The following TBC1D8 variants were observed in gnomAD, a reference collection of about 807,000 sequenced individuals.
TBC1D8 encodes the protein TBC1 domain family member 8.
TBC1D8 carries 65 observed loss-of-function variants against 118.8 expected under a neutral mutation model. The observed-to-expected ratio is 0.55, with a 90% confidence interval of 0.45 to 0.67. The LOEUF is 0.67. Among genes scored for constraint, TBC1D8 ranks in the 30% least tolerant of loss-of-function variants. The pLI is 0.00. For missense variants in TBC1D8, 1,376 were observed against 1,471.2 expected, an observed-to-expected ratio of 0.94 and a Z score of 1.06; for synonymous variants, 566 against 595.8, an observed-to-expected ratio of 0.95 and a Z score of 0.73.
At chr2:101,008,879 T>C (rs1410228168) in intron 19 of TBC1D8, among the ~76,000 whole-genome samples, 1 of 152,074 alleles carries the variant, frequency 6.6e-6, no homozygotes, top group Non-Finnish European at 1.5e-5. Flanking sequence ...CTAGAGTTTA[T>C]AATAGGAAAA....
intron 8 of TBC1D8, 52 bp downstream of exon 8, chr2:101,037,480 C>G (rs1681085337): frequency 1.9e-6 from 3 of 1,586,320 alleles, no homozygotes; most frequent in Non-Finnish European, 2.6e-6. Context: ...GCAACCCCCC[C>G]AAGCCCACGG....
chr2:101,151,105 C>T (rs1679545251), intron 1 of TBC1D8, 22 bp downstream of exon 1: 2 of 1,027,116 alleles, frequency 1.9e-6, no homozygotes, highest in African/African-American at 1.7e-5. Context: ...GGCCGCCGCG[C>T]CCGCCCCGGC....
rs1042768012 is a variant in TBC1D8, at chr2:101,091,346, G to A, written c.128-982C>T. On this transcript the variant is annotated intron_variant, in intron 1 of 19. Transcript: ENST00000409318. Reference sequence around the variant, plus strand: ...TTTTACAGACCATAAAGCACGAAATGTGAGTGCAGGATTAGCATTTTCCTG... The same window carrying A: ...TTTTACAGACCATAAAGCACGAAATATGAGTGCAGGATTAGCATTTTCCTG... Among the ~76,000 whole-genome samples, 4 of 152,152 alleles carry A rather than the reference G, an allele frequency of 2.6e-5. No homozygotes were observed. The East Asian group carries it at 5.8e-4, about 22-fold the overall frequency.
chr2:101,035,935 A>AAC, intron 9 of TBC1D8, 83 bp downstream of exon 9: 2 of 1,494,902 alleles, frequency 1.3e-6, no homozygotes, highest in Non-Finnish European at 1.8e-6. Context: ...TCTGCACATA[A>AAC]ACACACGCGC....
At chr2:101,122,367 G>A (rs1213077510) in intron 1 of TBC1D8, among the ~76,000 whole-genome samples, 4 of 115,834 alleles carry the variant, frequency 3.5e-5, no homozygotes, top group Admixed American at 1.2e-4. Flanking sequence ...CACCGCGCCC[G>A]GCCAAGACTC....
intron 2 of TBC1D8, among the ~76,000 whole-genome samples, chr2:101,085,547 T>A (rs1197050198): frequency 6.6e-6 from 1 of 152,088 alleles, no homozygotes; most frequent in Non-Finnish European, 1.5e-5. Context: ...TTAGCGCCAA[T>A]ATAACGTCCG....
At chr2:101,106,562 T>C (rs368973267) in intron 1 of TBC1D8, among the ~76,000 whole-genome samples, 3 of 152,220 alleles carry the variant, frequency 2.0e-5, no homozygotes, top group African/African-American at 7.2e-5. Flanking sequence ...CAGGACTCCA[T>C]GGGCCACAGG....
chr2:101,103,525 G>A (rs1027085833), intron 1 of TBC1D8, among the ~76,000 whole-genome samples: 1 of 151,712 alleles, frequency 6.6e-6, no homozygotes, highest in African/African-American at 2.4e-5. Context: ...CCGAGTAGCT[G>A]GGATTACAGG....
intron 15 of TBC1D8, chr2:101,023,879 C>T (rs1680187834): frequency 5.8e-6 from 1 of 173,380 alleles, no homozygotes; most frequent in African/African-American, 2.4e-5. Context: ...AGTCTGCAAG[C>T]TCATATCCTC....
At chr2:101,077,002 G>A (rs567222762) in intron 2 of TBC1D8, among the ~76,000 whole-genome samples, 12 of 152,136 alleles carry the variant, frequency 7.9e-5, no homozygotes, top group African/African-American at 2.6e-4. Flanking sequence ...AGAGAGAGGC[G>A]GTAGTGCTAC....
At chr2:101,150,223 C>T (rs529283908) in intron 1 of TBC1D8, among the ~76,000 whole-genome samples, 5 of 152,276 alleles carry the variant, frequency 3.3e-5, no homozygotes, top group Admixed American at 3.3e-4. Flanking sequence ...ACCACTAACC[C>T]GGGGACCTAA....
intron 2 of TBC1D8, among the ~76,000 whole-genome samples, chr2:101,071,098 G>C (rs1439363684): frequency 6.6e-6 from 1 of 152,114 alleles, no homozygotes; most frequent in Non-Finnish European, 1.5e-5. Context: ...CCAGCACTTT[G>C]GGAGGCTGAG....
chr2:101,140,132 A>C (rs1200398163), intron 1 of TBC1D8, among the ~76,000 whole-genome samples: 1 of 152,214 alleles, frequency 6.6e-6, no homozygotes, highest in Non-Finnish European at 1.5e-5. Flanking sequence ...CTACTGTTTT[A>C]CAGGTTAATA....
At chr2:101,051,137 T>C (rs773664888) in intron 4 of TBC1D8, among the ~76,000 whole-genome samples, 2 of 152,244 alleles carry the variant, frequency 1.3e-5, no homozygotes, top group Non-Finnish European at 2.9e-5. Context: ...ATGTGCCACA[T>C]TTTCTTTATC....
At chr2:101,028,475 G>C in intron 12 of TBC1D8, 43 bp from the exon 13 acceptor site, 1 of 1,518,206 alleles carries the variant, frequency 6.6e-7, no homozygotes. Context: ...ATCCTCATTC[G>C]GGTACCACAA....
chr2:101,031,465 C>G (rs1357341792), intron 11 of TBC1D8, among the ~76,000 whole-genome samples: 3 of 152,200 alleles, frequency 2.0e-5, no homozygotes, highest in East Asian at 1.9e-4. Context: ...TTGCTAAATT[C>G]TGTCTGAAGT....
chr2:101,016,084 A>C (rs1196096352), intron 17 of TBC1D8, among the ~76,000 whole-genome samples: 1 of 152,082 alleles, frequency 6.6e-6, no homozygotes, highest in Non-Finnish European at 1.5e-5. Context: ...GGATCTAATT[A>C]AACTAAAGAG....
At chr2:101,104,873 G>T (rs1276043117) in intron 1 of TBC1D8, among the ~76,000 whole-genome samples, 2 of 152,112 alleles carry the variant, frequency 1.3e-5, no homozygotes, top group East Asian at 3.8e-4. Context: ...AATTAGCCGG[G>T]CATGGTGGCA....
intron 17 of TBC1D8, among the ~76,000 whole-genome samples, chr2:101,012,801 A>C (rs762279579): frequency 3.9e-5 from 6 of 152,208 alleles, no homozygotes; most frequent in Non-Finnish European, 5.9e-5. Context: ...AAATAAATCA[A>C]AGGCAAAATT....
Sources: gnomAD v4.1 joint callset for allele counts (sites outside exome capture counted in the v4.1 genomes callset) on GRCh38, gnomAD v4.1.1 for gene constraint, MANE v1.5 for transcripts, NCBI Gene and HGNC (gene_info 2026-07-23, HGNC 2026-07-21) for gene names.